The following NCAPD3 variants were observed in gnomAD, a reference collection of about 807,000 sequenced individuals.
NCAPD3 encodes the protein condensin-2 complex subunit D3.
NCAPD3 carries 105 observed loss-of-function variants against 182.9 expected under a neutral mutation model. The observed-to-expected ratio is 0.57, with a 90% CI of 0.49 to 0.68. The LOEUF (loss-of-function observed/expected upper bound fraction) is 0.68. Among genes scored for constraint, NCAPD3 ranks in the 30% least tolerant of loss-of-function variants. The pLI, the probability that NCAPD3 is intolerant of heterozygous loss-of-function variation, is 0.00. For synonymous variants in NCAPD3, 815 were observed against 679.9 expected, an observed-to-expected ratio of 1.20 and a Z score of -3.09; for missense variants, 1,944 against 1,837.0, an observed-to-expected ratio of 1.06 and a Z score of -1.07.
intron 12 of NCAPD3, 106 bp downstream of exon 12, chr11:134,203,036 T>C: frequency 8.4e-7 from 1 of 1,187,784 alleles, no homozygotes; most frequent in South Asian, 1.4e-5. Context: ...ATGAAAAAAG[T>C]ACAATGTTAA....
intron 12 of NCAPD3, 94 bp downstream of exon 12, chr11:134,203,048 G>T: frequency 8.4e-7 from 1 of 1,195,828 alleles, no homozygotes; most frequent in Non-Finnish European, 1.2e-6. Context: ...CAATGTTAAA[G>T]CAGGTAAATA....
rs1351209583 is a variant in NCAPD3 at position 134,176,442 on chromosome 11, T to C, written c.3022-56A>G. ...GTGCGTCATCATGGGCAAGCCTCAC[T>C]GTTCCCAGCCACACCCCACCCACCA... On this transcript the variant is annotated intron_variant, in intron 23 of 34. Coordinates refer to ENST00000534548, the MANE Select transcript of NCAPD3 (RefSeq NM_015261.3). 4 of 1,488,850 alleles carry C rather than the reference T, an allele frequency of 2.7e-6. No individual in the cohort carries two copies. In the African/African-American group the frequency reaches 4.1e-5, roughly 15 times the overall value. 92.2% of individuals were successfully genotyped at this position (1,488,850 alleles called of 1,614,324 possible).
chr11:134,200,924 T>C (rs1381127220), intron 13 of NCAPD3, among the ~76,000 whole-genome samples: 6 of 151,924 alleles, frequency 3.9e-5, no homozygotes, highest in Admixed American at 3.3e-4. Context: ...ATAGATGCTA[T>C]AACATGAATG....
chr11:134,171,984 C>A (rs575106369), intron 24 of NCAPD3, among the ~76,000 whole-genome samples: 1 of 152,162 alleles, frequency 6.6e-6, no homozygotes, highest in East Asian at 1.9e-4. Context: ...TCTAGGGATG[C>A]GGAACAACAA....
At chr11:134,162,431 G>A (rs185753803) in intron 27 of NCAPD3, among the ~76,000 whole-genome samples, 1 of 152,194 alleles carries the variant, frequency 6.6e-6, no homozygotes, top group East Asian at 1.9e-4. Flanking sequence ...ATTTGACCAA[G>A]TCTTCACACT....
rs755369448 is a variant in NCAPD3, at chr11:134,203,705, C to G, written c.1417G>C (p.Glu473Gln). ...TCCGACGCACTGGTAACAGTCAACT[C>G]CAGACAGTGTGCAAAGCTGGACAGT... ...KALSSFAHCLELTVTSASESI... is the reference protein window; with the variant it reads ...KALSSFAHCLQLTVTSASESI... The change falls in exon 11 of 35, where the codon GAG (glutamate) becomes CAG (glutamine). Residue 473 changes from glutamate (E) to glutamine (Q), a missense_variant. Glu to Gln is a conservative substitution (Grantham distance 29). This residue lies in a region of NCAPD3 where 1,803 missense variants were observed against 1,674.6 expected (regional missense o/e 1.08). Coordinates refer to ENST00000534548, the MANE Select transcript of NCAPD3 (RefSeq NM_015261.3). 1 of 1,614,120 alleles carries G rather than the reference C, an allele frequency of 6.2e-7. No individual in the cohort carries two copies.
intron 27 of NCAPD3, among the ~76,000 whole-genome samples, chr11:134,162,725 G>A (rs1380454169): frequency 6.6e-6 from 1 of 152,196 alleles, no homozygotes; most frequent in African/African-American, 2.4e-5. Flanking sequence ...GTCTTAAGAA[G>A]TGGCTTCCAT....
At position 134,204,472 on chromosome 11, in the gene NCAPD3, G is replaced by A. The variant is rs77610589; in HGVS notation, c.1090-301C>T. ...CATTTGTCTAAATGGTTATAAAAAT[G>A]TAGAGATCATCATGGAAATTTGAAC... On this transcript the variant is annotated intron_variant, in intron 9 of 34. Coordinates refer to ENST00000534548, the MANE Select transcript of NCAPD3 (RefSeq NM_015261.3). The surrounding 1 kb of genome is among the most constrained non-coding windows in gnomAD (Gnocchi z 4.3). Among the ~76,000 whole-genome samples, 3,741 of 152,290 alleles carry A rather than the reference G, an allele frequency of 0.025. 163 individuals carry two copies. The highest frequency in any genetic ancestry group is 0.086 in the African/African-American group (3,556 of 41,546).
At chr11:134,187,981 G>A (rs1944445431) in intron 16 of NCAPD3, among the ~76,000 whole-genome samples, 1 of 152,152 alleles carries the variant, frequency 6.6e-6, no homozygotes, top group Non-Finnish European at 1.5e-5. Flanking sequence ...CTTTACAGAG[G>A]TGATGAAGTT....
At chr11:134,155,514 G>A (rs975350128) in intron 32 of NCAPD3, among the ~76,000 whole-genome samples, 8 of 152,128 alleles carry the variant, frequency 5.3e-5, no homozygotes, top group Admixed American at 3.3e-4. Context: ...CAATGACACC[G>A]GGCGCCTGAT....
At position 134,163,885 on chromosome 11, in the gene NCAPD3, A is replaced by AAG. The variant is rs1431388897; in HGVS notation, c.3574-1995_3574-1994insCT. Among the ~76,000 whole-genome samples the AAG allele has an allele frequency of 7.4e-3, 1,109 of 150,604 alleles. 16 individuals are homozygous for AAG. Among genetic ancestry groups the AAG allele is most frequent in the African/African-American group, 0.026 (1,071 of 40,994 alleles). On this transcript the variant is annotated intron_variant, in intron 27 of 34. Transcript: ENST00000534548. ...AGATTCTGTCTCAAAAAAAAAAAAAAAAAAAAAGAAAAAGAAAGAAAGACT... is the reference window on the plus strand; with the variant it reads ...AGATTCTGTCTCAAAAAAAAAAAAAAAGAAAAAAAGAAAAAGAAAGAAAGACT...
In NCAPD3 at chr11:134,152,464, T is replaced by TATTA. The variant is rs1269496426; in HGVS notation, c.*476_*479dup. ...GAAGGCTGTATTTATGCTAAACCTT[T>TATTA]ATTACTTTTAGAAAGCTGTACACTT... On this transcript the variant is annotated 3_prime_UTR_variant, in exon 35 of 35. Transcript: ENST00000534548. 1 of 152,472 alleles carries TATTA rather than the reference T, an allele frequency of 6.6e-6. No homozygotes were observed. The highest frequency in any genetic ancestry group is 1.5e-5 in the Non-Finnish European group (1 of 68,202). The allele number at this position is 152,472 out of a possible 1,614,324, so 9.4% of individuals were successfully genotyped here.
chr11:134,203,969 A>T, intron 10 of NCAPD3, 63 bp from the exon 11 acceptor site: 1 of 1,602,402 alleles, frequency 6.2e-7, no homozygotes, highest in Admixed American at 1.7e-5. Context: ...AACCCTCCTC[A>T]TTCAGACCTA....
chr11:134,158,624 A>T, intron 29 of NCAPD3, 129 bp from the exon 30 acceptor site: 2 of 988,742 alleles, frequency 2.0e-6, no homozygotes, highest in Non-Finnish European at 2.9e-6. Context: ...TAATGATCAA[A>T]TCAGGGTAAT....
At chr11:134,195,262 A>AT (rs36072314) in intron 13 of NCAPD3, among the ~76,000 whole-genome samples, 1 of 151,490 alleles carries the variant, frequency 6.6e-6, no homozygotes, top group African/African-American at 2.4e-5. Context: ...CACCATGCTA[A>AT]TTTTTTTTTA....
intron 27 of NCAPD3, among the ~76,000 whole-genome samples, chr11:134,163,576 T>A (rs1387741087): frequency 6.6e-6 from 1 of 151,788 alleles, no homozygotes; most frequent in Non-Finnish European, 1.5e-5. Context: ...GGCTGGTGCC[T>A]GTAGTCCCAG....
rs1944778519 is a variant in NCAPD3, at chr11:134,202,866, G to T, written c.1565C>A (p.Pro522His). The T allele has an allele frequency of 6.2e-7, 1 of 1,607,890 alleles. No individual in the cohort carries two copies. The highest frequency in any genetic ancestry group is 1.1e-5 in the South Asian group (1 of 89,208). ...YQRQTSNRSE[P>H]SGEINIDSSG... Reference sequence around the variant, plus strand: ...GCTGTCTATGTTGATCTCCCCTGAGGGTTCGGAACGGTTAGATGTCTGCCT... The same window carrying T: ...GCTGTCTATGTTGATCTCCCCTGAGTGTTCGGAACGGTTAGATGTCTGCCT... Residue 522 changes from proline to histidine, a missense_variant, in exon 13 of 35, where the codon CCC becomes CAC. Pro to His is a moderately conservative substitution (Grantham distance 77, BLOSUM62 -2). Transcript: ENST00000534548.
At chr11:134,161,125 TGTA>T (rs1389920833) in intron 28 of NCAPD3, among the ~76,000 whole-genome samples, 2 of 152,156 alleles carry the variant, frequency 1.3e-5, no homozygotes, top group Non-Finnish European at 2.9e-5. Context: ...GAAAAAAAAT[TGTA>T]GCATTTTTTT....
intron 29 of NCAPD3, among the ~76,000 whole-genome samples, chr11:134,159,680 C>T (rs1054209100): frequency 1.3e-5 from 2 of 152,256 alleles, no homozygotes; most frequent in Non-Finnish European, 2.9e-5. Context: ...TCGCTTCCTG[C>T]ACCACGTCCT....
Sources: allele counts gnomAD v4.1 joint callset (sites outside exome capture counted in the v4.1 genomes callset), GRCh38; gene constraint gnomAD v4.1.1; regional missense constraint gnomAD v4.1.1; non-coding constraint Gnocchi (gnomAD v3.1); transcripts MANE v1.5; gene names NCBI Gene and HGNC (gene_info 2026-07-23, HGNC 2026-07-21).